FOXP2: variants seen among roughly 807,000 people sequenced by gnomAD.
FOXP2 encodes forkhead box P2.
A neutral mutation model predicts 115.8 loss-of-function variants in FOXP2; 12 were observed. The observed-to-expected ratio is 0.10, with a 90% CI of 0.07 to 0.17. The LOEUF (loss-of-function observed/expected upper bound fraction) is 0.17, where lower values mean the gene tolerates loss of function less well. Ranked by LOEUF, FOXP2 falls within the 10% of genes least tolerant of loss-of-function variation. FOXP2 has a pLI of 1.00. For synonymous variants in FOXP2, 328 were observed against 297.7 expected (o/e 1.10, Z -1.05); for missense variants, 629 against 843.5 (o/e 0.75, Z 3.15).
intron 1 of FOXP2, among the ~76,000 whole-genome samples, chr7:114,219,876 T>G (rs953221366): frequency 1.3e-5 from 2 of 151,900 alleles, no homozygotes; most frequent in African/African-American, 4.8e-5. Context: ...TTGTTTTTTC[T>G]AATGGAGTTT....
intron 2 of FOXP2, among the ~76,000 whole-genome samples, chr7:114,397,878 G>A (rs1467436795): frequency 6.6e-6 from 1 of 152,208 alleles, no homozygotes; most frequent in African/African-American, 2.4e-5. Flanking sequence ...AAGGGTGGCA[G>A]GAGTGGAGAT....
intron 1 of FOXP2, among the ~76,000 whole-genome samples, chr7:114,189,359 T>C (rs955440186): frequency 1.3e-5 from 2 of 152,208 alleles, no homozygotes; most frequent in Non-Finnish European, 2.9e-5. Context: ...AACATGTTTA[T>C]TGAGCTGATT....
At chr7:114,128,567 A>T (rs1162985209) in intron 1 of FOXP2, among the ~76,000 whole-genome samples, 6 of 151,656 alleles carry the variant, frequency 4.0e-5, no homozygotes, top group Admixed American at 4.0e-4. Context: ...CTGAAAGTTT[A>T]TTTTTTCCCT....
At chr7:114,210,378 A>C (rs1324994866) in intron 1 of FOXP2, among the ~76,000 whole-genome samples, 3 of 152,018 alleles carry the variant, frequency 2.0e-5, no homozygotes, top group Admixed American at 2.0e-4. Context: ...TTTTCTTTTA[A>C]CAGTCAGGTC....
At chr7:114,532,279 T>G (rs1411878857) in intron 2 of FOXP2, among the ~76,000 whole-genome samples, 1 of 151,932 alleles carries the variant, frequency 6.6e-6, no homozygotes, top group African/African-American at 2.4e-5. Context: ...ATATATTGTG[T>G]GATAGTTGTT....
intron 1 of FOXP2, among the ~76,000 whole-genome samples, chr7:114,147,582 A>G (rs1160363966): frequency 6.6e-6 from 1 of 152,182 alleles, no homozygotes; most frequent in African/African-American, 2.4e-5. Context: ...CCACAAGTCC[A>G]TGTTTATATT....
intron 2 of FOXP2, among the ~76,000 whole-genome samples, chr7:114,318,960 A>G (rs2690828): frequency 6.6e-6 from 1 of 152,042 alleles, no homozygotes; most frequent in Non-Finnish European, 1.5e-5. Context: ...CATCTAACCT[A>G]CATCTTTAAA....
At chr7:114,522,671 T>A (rs1231563661) in intron 2 of FOXP2, among the ~76,000 whole-genome samples, 2 of 152,166 alleles carry the variant, frequency 1.3e-5, no homozygotes, top group African/African-American at 4.8e-5. Flanking sequence ...AAAATTTACA[T>A]GGATGTAGTT....
chr7:114,586,725 C>T (rs1227302367), intron 3 of FOXP2, among the ~76,000 whole-genome samples: 1 of 151,834 alleles, frequency 6.6e-6, no homozygotes, highest in East Asian at 1.9e-4. Context: ...GGTATATTTC[C>T]ATCTTAACTG....
chr7:114,480,599 A>T (rs1308313829), intron 2 of FOXP2, among the ~76,000 whole-genome samples: 1 of 150,214 alleles, frequency 6.7e-6, no homozygotes, highest in Non-Finnish European at 1.5e-5. Context: ...ATATACATTC[A>T]TATATACATA....
At chr7:114,260,409 G>A (rs975571775) in intron 1 of FOXP2, among the ~76,000 whole-genome samples, 3 of 151,780 alleles carry the variant, frequency 2.0e-5, no homozygotes, top group Non-Finnish European at 2.9e-5. Flanking sequence ...ACCGTCTGCC[G>A]CCATTATTGA....
upstream of FOXP2, chr7:114,087,617 A>C (rs1339875322): frequency 6.8e-6 from 1 of 147,346 alleles, no homozygotes; most frequent in Non-Finnish European, 1.5e-5. Context: ...GCGGCGGCGC[A>C]CGTGCGGCGG....
chr7:114,153,373 A>G (rs1480615252), intron 1 of FOXP2, among the ~76,000 whole-genome samples: 2 of 152,142 alleles, frequency 1.3e-5, no homozygotes, highest in South Asian at 4.1e-4. Flanking sequence ...GTCATTTTAG[A>G]TTACATTATT....
At chr7:114,551,775 A>G (rs74667951) in intron 3 of FOXP2, among the ~76,000 whole-genome samples, 1 of 152,168 alleles carries the variant, frequency 6.6e-6, no homozygotes, top group South Asian at 2.1e-4. Context: ...AGTGGCAGGT[A>G]TTTATTTTTC....
At chr7:114,503,334 G>T (rs941559784) in intron 2 of FOXP2, among the ~76,000 whole-genome samples, 16 of 151,310 alleles carry the variant, frequency 1.1e-4, no homozygotes, top group African/African-American at 3.6e-4. Context: ...TTTTTTTATT[G>T]TATTACCATC....
At position 114,265,829 on chromosome 7, in the gene FOXP2, G is replaced by A. The variant is rs139759591; in HGVS notation, c.-101-22190G>A. On this transcript the variant is annotated intron_variant, in intron 1 of 17. Transcript: ENST00000634411. ...CCCCAGGGAACCTGCCAAGGATTAT[G>A]GCTTCCACCTTAATGGCAGCAGCCC... 2.2e-4 allele frequency among the ~76,000 whole-genome samples: 33 copies of A among 152,234 alleles called. No homozygotes were observed. The East Asian group carries it at 6.0e-3, about 28-fold the overall frequency.
chr7:114,101,618 G>A (rs1790959307), intron 1 of FOXP2, among the ~76,000 whole-genome samples: 1 of 152,026 alleles, frequency 6.6e-6, no homozygotes, highest in Non-Finnish European at 1.5e-5. Context: ...TTTTGTTGGG[G>A]AATAGTGTCA....
intron 1 of FOXP2, among the ~76,000 whole-genome samples, chr7:114,270,426 G>T (rs1307369112): frequency 6.6e-6 from 1 of 152,120 alleles, no homozygotes; most frequent in Non-Finnish European, 1.5e-5. Context: ...ATGCAATTTT[G>T]CATTCCCACC....
At chr7:114,396,063 T>C (rs969543169) in intron 2 of FOXP2, among the ~76,000 whole-genome samples, 1 of 152,114 alleles carries the variant, frequency 6.6e-6, no homozygotes, top group Non-Finnish European at 1.5e-5. Context: ...TAAATTATTA[T>C]TGGCTTTAGT....
Sources: gnomAD v4.1 joint callset for allele counts (sites outside exome capture counted in the v4.1 genomes callset) on GRCh38, gnomAD v4.1.1 for gene constraint, MANE v1.5 for transcripts, NCBI Gene and HGNC (gene_info 2026-07-23, HGNC 2026-07-21) for gene names.